The following C2orf81 variants were observed in gnomAD, a reference collection of about 807,000 sequenced individuals.
C2orf81 encodes uncharacterized protein C2orf81.
C2orf81 carries 5 observed loss-of-function variants against 7.9 expected under a neutral mutation model. The observed-to-expected ratio is 0.63, with a 90% CI of 0.33 to 1.33. The LOEUF is 1.33. Among genes scored for constraint, C2orf81 ranks in the 40% most tolerant of loss-of-function variants. C2orf81 has a pLI of 0.05. For synonymous variants in C2orf81, 346 were observed against 367.4 expected (o/e 0.94, Z 0.66); for missense variants, 781 against 830.4 (o/e 0.94, Z 0.73).
Position 74,415,952 on chromosome 2 carries a change from G to C in C2orf81, c.250-25C>G, listed in dbSNP as rs769540450. On this transcript the variant is annotated intron_variant, in intron 2 of 2. Coordinates refer to ENST00000684111, the MANE Select transcript of C2orf81 (RefSeq NM_001316764.3). The surrounding 1 kb of genome is among the most constrained non-coding windows in gnomAD (Gnocchi z 5.5). The stretch of plus-strand genomic sequence containing the variant: ...ACTGCGGAGGCGAGAGAGGATCTCA[G>C]GTCGGCAGGGAGGGGCGGGAGAGGG... 1 of 1,547,138 alleles carries C rather than the reference G, an allele frequency of 6.5e-7. No individual in the cohort carries two copies. Among genetic ancestry groups the C allele is most frequent in the Non-Finnish European group, 8.7e-7 (1 of 1,143,638 alleles).
intron 1 of C2orf81, chr2:74,418,465 T>C: frequency 1.4e-6 from 2 of 1,421,150 alleles, no homozygotes; most frequent in Non-Finnish European, 2.0e-6. Flanking sequence ...AAGGACTAGT[T>C]GGAAAAGTGA....
Position 74,415,725 on chromosome 2 carries a change from T to C in C2orf81, c.452A>G (p.Glu151Gly). 6.4e-7 allele frequency: 1 copy of C among 1,551,592 alleles called. No individual in the cohort carries two copies. The highest frequency in any genetic ancestry group is 8.7e-7 in the Non-Finnish European group (1 of 1,146,998). ...VLHASTSEGL[E>G]NFQGEVHSSG... ...GGAGTGTACTTCGCCTTGGAAGTTC[T>C]CCAGGCCCTCCGAGGTGGACGCGTG... The change falls in exon 3 of 3, where the codon GAG (glutamate) becomes GGG (glycine). Residue 151 changes from glutamate to glycine, a missense_variant. Coordinates refer to ENST00000684111, the MANE Select transcript of C2orf81 (RefSeq NM_001316764.3). The surrounding 1 kb of genome is among the most constrained non-coding windows in gnomAD (Gnocchi z 5.5).
At chr2:74,420,498 C>T (rs1045672050) in intron 1 of C2orf81, among the ~76,000 whole-genome samples, 2 of 152,160 alleles carry the variant, frequency 1.3e-5, no homozygotes, top group Admixed American at 6.5e-5. Context: ...CATTATCCCC[C>T]CAAATCTGCT....
Position 74,415,471 on chromosome 2 carries a change from G to T in C2orf81, c.706C>A (p.Pro236Thr), listed in dbSNP as rs1298503519. The change falls in exon 3 of 3, where the codon CCC becomes ACC. Residue 236 changes from proline (P) to threonine (T), a missense_variant. Physicochemically the swap from Pro to Thr is conservative, Grantham distance 38. Coordinates refer to ENST00000684111, the MANE Select transcript of C2orf81 (RefSeq NM_001316764.3). The surrounding 1 kb of genome is among the most constrained non-coding windows in gnomAD (Gnocchi z 5.5). Reference protein sequence around the residue: ...PTSELFQEAGPGGPVEEADGQ... With the variant: ...PTSELFQEAGTGGPVEEADGQ... Reference sequence around the variant, plus strand: ...TCCGCTTCCTCTACAGGACCTCCGGGCCCTGCCTCCTGAAACAGCTCTGAT... The same window carrying T: ...TCCGCTTCCTCTACAGGACCTCCGGTCCCTGCCTCCTGAAACAGCTCTGAT... 3.3e-6 allele frequency: 5 copies of T among 1,537,270 alleles called. No homozygotes were observed. The Admixed American group carries it at 9.9e-5, about 30-fold the overall frequency.
At chr2:74,418,146 C>A in intron 1 of C2orf81, 3 of 916,178 alleles carry the variant, frequency 3.3e-6, no homozygotes, top group African/African-American at 1.6e-5. Context: ...AGGACTCCTG[C>A]GAGATGCCCT....
chr2:74,415,122 C>G lies in C2orf81; in HGVS notation c.1055G>C (p.Arg352Pro). The change falls in exon 3 of 3, where the codon CGG (arginine) becomes CCG (proline). Residue 352 changes from arginine to proline, a missense_variant. Coordinates refer to ENST00000684111, the MANE Select transcript of C2orf81 (RefSeq NM_001316764.3). This position sits in a 1 kb window ranked among gnomAD's most constrained non-coding sequence, Gnocchi z 5.5. ...CAGCCGCACATCCGAGTGCCCGGCC[C>G]GCTGCTGCTGGCAGGACGCGGAGGG... ...TRPSASCQQQ[R>P]AGHSDVRLSA... The G allele has an allele frequency of 6.7e-7, 1 of 1,495,732 alleles. No individual in the cohort carries two copies. The highest frequency in any genetic ancestry group is 8.8e-7 in the Non-Finnish European group (1 of 1,142,128). 92.7% of individuals were successfully genotyped at this position (1,495,732 alleles called of 1,614,324 possible).
Position 74,414,778 on chromosome 2 carries a change from C to G in C2orf81, c.1399G>C (p.Glu467Gln), listed in dbSNP as rs775571856. 7 of 1,551,250 alleles carry G rather than the reference C, an allele frequency of 4.5e-6. No homozygotes were observed. The highest frequency in any genetic ancestry group is 6.1e-6 in the Non-Finnish European group (7 of 1,146,830). Residue 467 changes from glutamate to glutamine, a missense_variant, in exon 3 of 3, where the codon GAG (glutamate) becomes CAG (glutamine). Glu to Gln is a conservative substitution (Grantham distance 29). Coordinates refer to ENST00000684111, the MANE Select transcript of C2orf81 (RefSeq NM_001316764.3). The surrounding 1 kb of genome is among the most constrained non-coding windows in gnomAD (Gnocchi z 5.3). ...GAGTTTGGGAGTGGCAGCTTTGACT[C>G]GAGGGATGGCGACGATAGGCCTAAA... ...LNLGLSSPSLESKLPLPNSRI... is the reference protein window; with the variant it reads ...LNLGLSSPSLQSKLPLPNSRI...
At chr2:74,418,425 C>T (rs1335432918) in intron 1 of C2orf81, 2 of 1,572,252 alleles carry the variant, frequency 1.3e-6, no homozygotes, top group Non-Finnish European at 1.8e-6. Flanking sequence ...GGCTGGACTT[C>T]GAGCTCGACT....
rs1428014975 is a variant in C2orf81, at chr2:74,415,381, C to A, written c.796G>T (p.Glu266Ter). ...LSASFQLSVE[E>*]APADDADPSL... The stretch of plus-strand genomic sequence containing the variant: ...GGGTCGGCATCGTCGGCAGGCGCCT[C>A]CTCCACCGACAGTTGGAAGCTCGCG... Residue 266 changes from glutamate (E) to a stop codon, truncating the protein, a stop_gained, in exon 3 of 3, where the codon GAG (glutamate) becomes TAG (stop). Coordinates refer to ENST00000684111, the MANE Select transcript of C2orf81 (RefSeq NM_001316764.3). LOFTEE classifies it low-confidence loss of function (END_TRUNC). This position sits in a 1 kb window ranked among gnomAD's most constrained non-coding sequence, Gnocchi z 5.5. The A allele has an allele frequency of 6.6e-7, 1 of 1,518,346 alleles. No individual in the cohort carries two copies. The allele number at this position is 1,518,346 out of a possible 1,614,324, so 94.1% of individuals were successfully genotyped here.
In C2orf81 at chr2:74,415,487, C is replaced by A; in HGVS notation, c.690G>T (p.Leu230=). 1 of 1,539,606 alleles carries A rather than the reference C, an allele frequency of 6.5e-7. No homozygotes were observed. The highest frequency in any genetic ancestry group is 2.5e-5 in the East Asian group (1 of 40,602). Residue 230 remains leucine, a synonymous_variant, in exon 3 of 3, where the codon CTG becomes CTT. Coordinates refer to ENST00000684111, the MANE Select transcript of C2orf81 (RefSeq NM_001316764.3). This position sits in a 1 kb window ranked among gnomAD's most constrained non-coding sequence, Gnocchi z 5.5. ...GACCTCCGGGCCCTGCCTCCTGAAA[C>A]AGCTCTGATGTGGGAGGAGGGGCCG... ...VTSAPPPTSE[L]FQEAGPGGPV... is the part of the protein sequence containing the mutation.
rs1299594952 is a variant in C2orf81 at position 74,416,019 on chromosome 2, T to A, written c.241A>T (p.Thr81Ser). The A allele has an allele frequency of 6.5e-7, 1 of 1,549,816 alleles. No individual in the cohort carries two copies. The highest frequency in any genetic ancestry group is 8.7e-7 in the Non-Finnish European group (1 of 1,146,836). ...CCCGGATCCCGGCCCACCTGCTGAG[T>A]CAGGTAGACTTTGAAAGCAGAGTCC... ...VMDSAFKVYL[T>S]QQCIPFTISQ... The change falls in exon 2 of 3, where the codon ACT becomes TCT. Residue 81 changes from threonine to serine, a missense_variant. Thr to Ser is a moderately conservative substitution (Grantham distance 58). Coordinates refer to ENST00000684111, the MANE Select transcript of C2orf81 (RefSeq NM_001316764.3).
intron 1 of C2orf81, among the ~76,000 whole-genome samples, chr2:74,420,204 A>G (rs546087930): frequency 2.6e-5 from 4 of 152,326 alleles, no homozygotes; most frequent in Non-Finnish European, 4.4e-5. Flanking sequence ...CTTCAAAATG[A>G]TAACAGAGGA....
Position 74,414,683 on chromosome 2 carries a change from C to A in C2orf81, c.1494G>T (p.Trp498Cys). Residue 498 changes from tryptophan (W) to cysteine (C), a missense_variant, in exon 3 of 3, where the codon TGG (tryptophan) becomes TGT (cysteine). By Grantham distance (215) the Trp-to-Cys change is radical. Transcript: ENST00000684111. This position sits in a 1 kb window ranked among gnomAD's most constrained non-coding sequence, Gnocchi z 5.3. ...AACCGCTGGGCCACCTGACACTGGG[C>A]CACAGCTTGGGGCTGCGGCTGCGGG... ...DVARSRSPKL[W>C]PSVRWPSGWE... 6.5e-7 allele frequency: 1 copy of A among 1,546,332 alleles called. No homozygotes were observed. Among genetic ancestry groups the A allele is most frequent in the Non-Finnish European group, 8.7e-7 (1 of 1,143,616 alleles).
chr2:74,415,216 A>T lies in C2orf81; in HGVS notation c.961T>A (p.Ser321Thr). Residue 321 changes from serine to threonine, a missense_variant, in exon 3 of 3, where the codon TCA becomes ACA. Transcript: ENST00000684111. The surrounding 1 kb of genome is among the most constrained non-coding windows in gnomAD (Gnocchi z 5.5). Reference sequence around the variant, plus strand: ...GAGGCGATGCAGGGCACCCCCTCTGACCTGAGTTCCAGCCGATCCCCAGCC... The same window carrying T: ...GAGGCGATGCAGGGCACCCCCTCTGTCCTGAGTTCCAGCCGATCCCCAGCC... ...DAAGDRLELR[S>T]EGVPCIASGV... 2 of 1,550,890 alleles carry T rather than the reference A, an allele frequency of 1.3e-6. No individual in the cohort carries two copies. The highest frequency in any genetic ancestry group is 1.7e-6 in the Non-Finnish European group (2 of 1,146,858).
At chr2:74,418,153 C>G in intron 1 of C2orf81, 1 of 946,922 alleles carries the variant, frequency 1.1e-6, no homozygotes, top group Non-Finnish European at 1.7e-6. Flanking sequence ...CTGCGAGATG[C>G]CCTTCTCTTC....
At position 74,414,975 on chromosome 2, in the gene C2orf81, G is replaced by C; in HGVS notation, c.1202C>G (p.Pro401Arg). Reference sequence around the variant, plus strand: ...CTGGCGTCCGCGGTAGGCTTCCAAGGGGCGTGTTTGAGAGTCTGGGACCAG... The same window carrying C: ...CTGGCGTCCGCGGTAGGCTTCCAAGCGGCGTGTTTGAGAGTCTGGGACCAG... ...EVLVPDSQTR[P>R]LEAYRGRQRG... is the part of the protein sequence containing the mutation. Residue 401 changes from proline (P) to arginine (R), a missense_variant, in exon 3 of 3, where the codon CCC becomes CGC. Pro to Arg is a moderately radical substitution (Grantham distance 103). Transcript: ENST00000684111. This position sits in a 1 kb window ranked among gnomAD's most constrained non-coding sequence, Gnocchi z 5.3. The C allele has an allele frequency of 6.5e-7, 1 of 1,548,786 alleles. No homozygotes were observed. The highest frequency in any genetic ancestry group is 8.7e-7 in the Non-Finnish European group (1 of 1,146,170).
In C2orf81 at chr2:74,415,679, G is replaced by C; in HGVS notation, c.498C>G (p.Ser166=). The C allele has an allele frequency of 6.4e-7, 1 of 1,551,388 alleles. No homozygotes were observed. Residue 166 remains serine (S), a synonymous_variant, in exon 3 of 3, where the codon TCC becomes TCG. Coordinates refer to ENST00000684111, the MANE Select transcript of C2orf81 (RefSeq NM_001316764.3). This position sits in a 1 kb window ranked among gnomAD's most constrained non-coding sequence, Gnocchi z 5.5. The part of the protein sequence containing the change: ...EVHSSGASPD[S]SAIAPALPFP... ...AGGGGAGAGCAGGAGCAATGGCAGAGGAGTCCGGAGAGGCTCCTGAGGAGT... is the reference window on the plus strand; with the variant it reads ...AGGGGAGAGCAGGAGCAATGGCAGACGAGTCCGGAGAGGCTCCTGAGGAGT...
intron 1 of C2orf81, chr2:74,417,486 AC>A: frequency 7.9e-7 from 1 of 1,264,660 alleles, no homozygotes. Context: ...GGGGACTCAC[AC>A]CCCTCCCGCT....
In C2orf81 at chr2:74,421,603, G is replaced by C. The variant is rs953442237; in HGVS notation, c.-43C>G. 9.4e-6 allele frequency: 4 copies of C among 426,352 alleles called. No individual in the cohort carries two copies. Among genetic ancestry groups the C allele is most frequent in the Middle Eastern group, 4.0e-4 (1 of 2,490 alleles). 26.4% of individuals were successfully genotyped at this position (426,352 alleles called of 1,614,324 possible). On this transcript the variant is annotated 5_prime_UTR_variant, in exon 1 of 3. Transcript: ENST00000684111. ...CAACGCTGGTGTTTCTGCTGCATCCGGGCCGCGTAAGCCACCTAACAGTCG... is the reference window on the plus strand; with the variant it reads ...CAACGCTGGTGTTTCTGCTGCATCCCGGCCGCGTAAGCCACCTAACAGTCG...
Sources: gnomAD v4.1 joint callset for allele counts (sites outside exome capture counted in the v4.1 genomes callset) on GRCh38, gnomAD v4.1.1 for gene constraint, Gnocchi (gnomAD v3.1) non-coding constraint, MANE v1.5 for transcripts, NCBI Gene and HGNC (gene_info 2026-07-23, HGNC 2026-07-21) for gene names.